Variants in LYPD5 observed in about 807,000 individuals in gnomAD.
The protein encoded by LYPD5 is ly6/PLAUR domain-containing protein 5.
A neutral mutation model predicts 19.1 loss-of-function variants in LYPD5; 21 were observed. The ratio of observed to expected loss-of-function variants is 1.10; its 90% confidence interval spans 0.78 to 1.58. The LOEUF is 1.58. LYPD5 is among the 40% of genes most tolerant of loss of function. The pLI is 0.00. For missense variants in LYPD5, 287 were observed against 329.8 expected (o/e 0.87, Z 1.00); for synonymous variants, 128 against 142.7 (o/e 0.90, Z 0.74).
intron 1 of LYPD5, among the ~76,000 whole-genome samples, chr19:43,818,538 G>A (rs775888711): frequency 8.5e-5 from 13 of 152,178 alleles, no homozygotes; most frequent in Non-Finnish European, 1.6e-4. Flanking sequence ...CTTCCAGGTC[G>A]CGTGTGAATA....
At chr19:43,799,595 TTCTA>T in intron 2 of LYPD5, 107 bp downstream of exon 2, 3 of 1,180,652 alleles carry the variant, frequency 2.5e-6, no homozygotes, top group South Asian at 3.1e-5. Flanking sequence ...CTCCCCATCT[TTCTA>T]TCTTTATCTT....
Position 43,797,499 on chromosome 19 carries a change from T to G in LYPD5, c.*92A>C, listed in dbSNP as rs1485210917. 1.4e-5 allele frequency: 15 copies of G among 1,070,460 alleles called. No individual in the cohort carries two copies. Among genetic ancestry groups the G allele is most frequent in the Non-Finnish European group, 2.1e-5 (15 of 730,178 alleles). The allele number at this position is 1,070,460 out of a possible 1,614,324, so 66.3% of individuals were successfully genotyped here. On this transcript the variant is annotated 3_prime_UTR_variant, in exon 5 of 5. Coordinates refer to ENST00000377950, the MANE Select transcript of LYPD5 (RefSeq NM_001031749.3). ...GAGGGACAGGAGTGCAATTCTTACTTTAACATCATTTTCCAGTGAGCTATG... is the reference window on the plus strand; with the variant it reads ...GAGGGACAGGAGTGCAATTCTTACTGTAACATCATTTTCCAGTGAGCTATG...
At chr19:43,816,771 G>A (rs1970379007) in intron 1 of LYPD5, among the ~76,000 whole-genome samples, 1 of 152,200 alleles carries the variant, frequency 6.6e-6, no homozygotes, top group Non-Finnish European at 1.5e-5. Flanking sequence ...TGTTGTGGGA[G>A]GAACCCGGTG....
upstream of LYPD5, among the ~76,000 whole-genome samples, chr19:43,805,641 G>A (rs1249708896): frequency 6.6e-6 from 1 of 152,122 alleles, no homozygotes; most frequent in Non-Finnish European, 1.5e-5. Flanking sequence ...CCAAGTAGCT[G>A]GGATCACAGG....
chr19:43,817,511 G>A (rs1970383533), intron 1 of LYPD5, among the ~76,000 whole-genome samples: 1 of 152,120 alleles, frequency 6.6e-6, no homozygotes, highest in Admixed American at 6.5e-5. Flanking sequence ...AAGAATTTGT[G>A]GGATTTTTTT....
intron 1 of LYPD5, among the ~76,000 whole-genome samples, chr19:43,819,976 G>T (rs2146511946): frequency 6.9e-6 from 1 of 145,600 alleles, no homozygotes; most frequent in East Asian, 2.0e-4. Flanking sequence ...TCAATTATTG[G>T]ACAATACTGT....
chr19:43,802,964 C>T (rs1196609234), upstream of LYPD5, among the ~76,000 whole-genome samples: 1 of 152,050 alleles, frequency 6.6e-6, no homozygotes, highest in African/African-American at 2.4e-5. Context: ...TCTGAGATAC[C>T]GTATGACTGA....
At chr19:43,805,853 C>T (rs527998140), upstream of LYPD5, among the ~76,000 whole-genome samples, 1 of 152,240 alleles carries the variant, frequency 6.6e-6, no homozygotes, top group South Asian at 2.1e-4. Context: ...ATCAATATCT[C>T]TTTCTTTCAA....
rs71749825 is a variant in LYPD5, at chr19:43,796,379, T to TATGAAAGTGTCCTGCACTC, written c.*1193_*1211dup. The TATGAAAGTGTCCTGCACTC allele has an allele frequency of 4.0e-5, 6 of 151,374 alleles. No individual in the cohort carries two copies. Among genetic ancestry groups the TATGAAAGTGTCCTGCACTC allele is most frequent in the African/African-American group, 1.5e-4 (6 of 41,142 alleles). 9.4% of individuals were successfully genotyped at this position (151,374 alleles called of 1,614,324 possible). The stretch of plus-strand genomic sequence containing the variant: ...CCCATCTCTATGAAGTTCATGCAGT[T>TATGAAAGTGTCCTGCACTC]ATGAAAGTGTCCTGCACTCATGAAA... On this transcript the variant is annotated 3_prime_UTR_variant, in exon 5 of 5. Transcript: ENST00000377950.
chr19:43,797,612 CAGG>C lies in LYPD5; in HGVS notation c.732_734del (p.Leu246del). The C allele has an allele frequency of 6.2e-7, 1 of 1,607,114 alleles. No homozygotes were observed. Among genetic ancestry groups the C allele is most frequent in the South Asian group, 1.1e-5 (1 of 90,454 alleles). ...CGGTCTATGCTGAGAGCCCCACCAG[CAGG>C]AGGACTGGGAGGAGCAGGGCCAGGA... On this transcript the variant is annotated inframe_deletion, in exon 5 of 5. Coordinates refer to ENST00000377950, the MANE Select transcript of LYPD5 (RefSeq NM_001031749.3).
intron 1 of LYPD5, among the ~76,000 whole-genome samples, chr19:43,812,117 C>T (rs1970328742): frequency 6.6e-6 from 1 of 152,124 alleles, no homozygotes; most frequent in African/African-American, 2.4e-5. Flanking sequence ...AAATGGCTAG[C>T]TTGAACTTTA....
At chr19:43,801,570 A>C (rs1970223986) in intron 1 of LYPD5, among the ~76,000 whole-genome samples, 1 of 152,232 alleles carries the variant, frequency 6.6e-6, no homozygotes, top group Admixed American at 6.5e-5. Context: ...CAAATCACAG[A>C]TACATAAACA....
At position 43,802,404 on chromosome 19, in the gene LYPD5, A is replaced by T; in HGVS notation, c.-24T>A. On this transcript the variant is annotated 5_prime_UTR_variant, in exon 1 of 5. Transcript: ENST00000377950. ...ATTGCTGAGCTGGGCCACCTGGGAC[A>T]GCTCCTCCCGCTGTGATGTGCTGCC... 1 of 1,550,520 alleles carries T rather than the reference A, an allele frequency of 6.4e-7. No homozygotes were observed. The highest frequency in any genetic ancestry group is 8.7e-7 in the Non-Finnish European group (1 of 1,146,034).
At chr19:43,799,889 A>G in intron 1 of LYPD5, 55 bp from the exon 2 acceptor site, 2 of 1,541,602 alleles carry the variant, frequency 1.3e-6, no homozygotes, top group South Asian at 2.4e-5. Context: ...TGTCCCAGGA[A>G]CTCAGAGCTC....
At chr19:43,798,394 C>T in intron 4 of LYPD5, 61 bp downstream of exon 4, 1 of 1,588,700 alleles carries the variant, frequency 6.3e-7, no homozygotes, top group East Asian at 2.2e-5. Context: ...TATCACTACC[C>T]TCATGGCTGC....
intron 1 of LYPD5, among the ~76,000 whole-genome samples, chr19:43,817,301 A>G (rs1194815032): frequency 6.6e-6 from 1 of 152,156 alleles, no homozygotes. Flanking sequence ...GCATGAACCC[A>G]TGGGAGCTGG....
In LYPD5 at chr19:43,797,667, G is replaced by A. The variant is rs1970151607; in HGVS notation, c.680C>T (p.Ala227Val). Residue 227 changes from alanine to valine, a missense_variant, in exon 5 of 5, where the codon GCC (alanine) becomes GTC (valine). Transcript: ENST00000377950. ...SMTQPFTSAS[A>V]TTPPRALQVL... ...CTGTAGTGCTCGGGGAGGGGTGGTG[G>A]CTGAAGCACTGGTGAAGGGCTGGGT... The A allele has an allele frequency of 6.2e-7, 1 of 1,613,670 alleles. No homozygotes were observed. Among genetic ancestry groups the A allele is most frequent in the Non-Finnish European group, 8.5e-7 (1 of 1,179,884 alleles).
Position 43,798,459 on chromosome 19 carries a change from T to C in LYPD5, c.513A>G (p.Thr171=). ...TACFQGNGRM[T]VGNFSVPVYI... Reference sequence around the variant, plus strand: ...TCCACCCTTCCAGCCCCTTACCAACTGTCATTCTGCCATTGCCCTGGAAGC... The same window carrying C: ...TCCACCCTTCCAGCCCCTTACCAACCGTCATTCTGCCATTGCCCTGGAAGC... Residue 171 remains threonine (T), a synonymous_variant, in exon 4 of 5, where the codon ACA becomes ACG. Transcript: ENST00000377950. 1 of 1,606,516 alleles carries C rather than the reference T, an allele frequency of 6.2e-7. No individual in the cohort carries two copies. Among genetic ancestry groups the C allele is most frequent in the East Asian group, 2.2e-5 (1 of 44,884 alleles).
chr19:43,799,208 A>T (rs1970185799), intron 2 of LYPD5: 3 of 568,540 alleles, frequency 5.3e-6, no homozygotes, highest in Non-Finnish European at 9.0e-6. Flanking sequence ...TTGCTTCCCC[A>T]TTGTTTCCTC....
Sources: allele counts gnomAD v4.1 joint callset (sites outside exome capture counted in the v4.1 genomes callset), GRCh38; gene constraint gnomAD v4.1.1; transcripts MANE v1.5; gene names NCBI Gene and HGNC (gene_info 2026-07-23, HGNC 2026-07-21).